KIAA2012: variants seen among roughly 807,000 people sequenced by gnomAD.
The protein encoded by KIAA2012 is KIAA2012.
In KIAA2012, 125 loss-of-function variants were observed where a neutral mutation model predicts 150.6. The ratio of observed to expected loss-of-function variants is 0.83; its 90% CI spans 0.72 to 0.96. The LOEUF is 0.96. Ranked by LOEUF, KIAA2012 falls within the 40% of genes least tolerant of loss-of-function variation. The probability of loss-of-function intolerance (pLI) is 0.00; values close to 1 mark genes in which losing one functional copy is unlikely to be tolerated. For missense variants in KIAA2012, 1,219 were observed against 1,354.9 expected (o/e 0.90, Z 1.57); for synonymous variants, 462 against 504.7 (o/e 0.92, Z 1.13).
chr2:202,154,067 C>T (rs1416578444), intron 13 of KIAA2012, among the ~76,000 whole-genome samples: 2 of 152,208 alleles, frequency 1.3e-5, no homozygotes, highest in South Asian at 2.1e-4. Flanking sequence ...CCCAGAAGCT[C>T]GGAGAGCCCC....
At chr2:202,145,678 C>CTTTTTTT (rs36059685) in intron 13 of KIAA2012, among the ~76,000 whole-genome samples, 37 of 75,320 alleles carry the variant, frequency 4.9e-4, no homozygotes, top group East Asian at 9.7e-4. Flanking sequence ...TTGAGAGGGT[C>CTTTTTTT]TTTTTTTTTT....
chr2:202,079,810 T>C (rs1262024263), intron 2 of KIAA2012, among the ~76,000 whole-genome samples: 1 of 152,212 alleles, frequency 6.6e-6, no homozygotes, highest in Non-Finnish European at 1.5e-5. Flanking sequence ...CAGCTTCCCA[T>C]TATTGAGACA....
At chr2:202,135,467 G>T (rs1011721708) in intron 12 of KIAA2012, among the ~76,000 whole-genome samples, 2 of 152,106 alleles carry the variant, frequency 1.3e-5, no homozygotes, top group Non-Finnish European at 2.9e-5. Context: ...CTGAAAGGAG[G>T]TTTTACCACC....
At chr2:202,158,796 T>G (rs1001487047) in intron 14 of KIAA2012, among the ~76,000 whole-genome samples, 1 of 152,222 alleles carries the variant, frequency 6.6e-6, no homozygotes, top group Non-Finnish European at 1.5e-5. Context: ...TTTCAGGGAC[T>G]TTTTAAATTA....
At chr2:202,200,707 C>CTTTTTT (rs3068268) in intron 22 of KIAA2012, among the ~76,000 whole-genome samples, 2,087 of 124,226 alleles carry the variant, frequency 0.017, 116 homozygotes, top group Non-Finnish European at 0.021. Flanking sequence ...AATTTTGGAA[C>CTTTTTT]TTTTTTTTTT....
chr2:202,180,129 G>A lies in KIAA2012; in HGVS notation c.2120-4624G>A, dbSNP rs542636900. 2.0e-3 allele frequency among the ~76,000 whole-genome samples: 298 copies of A among 152,084 alleles called. 1 individual carries two copies. The highest frequency in any genetic ancestry group is 7.0e-3 in the African/African-American group (290 of 41,460). On this transcript the variant is annotated intron_variant, in intron 15 of 23. Transcript: ENST00000498697. Reference sequence around the variant, plus strand: ...TCTATTAAAAATACAAAATTAGCCGGGCATGGTGGTGCATGCCTATAATCC... The same window carrying A: ...TCTATTAAAAATACAAAATTAGCCGAGCATGGTGGTGCATGCCTATAATCC...
At chr2:202,074,702 G>A (rs890284516) in intron 1 of KIAA2012, among the ~76,000 whole-genome samples, 189 bp from the exon 2 acceptor site, 1 of 152,168 alleles carries the variant, frequency 6.6e-6, no homozygotes, top group African/African-American at 2.4e-5. Context: ...CATGCCCTGG[G>A]TTCTACTAAT....
intron 15 of KIAA2012, 146 bp from the exon 16 acceptor site, chr2:202,184,607 A>G: frequency 4.2e-6 from 2 of 476,110 alleles, no homozygotes; most frequent in South Asian, 9.5e-5. Context: ...TTTCTGAAGT[A>G]TTTGCTAATT....
intron 12 of KIAA2012, among the ~76,000 whole-genome samples, chr2:202,134,404 T>C (rs1323678992): frequency 1.3e-5 from 2 of 152,174 alleles, no homozygotes; most frequent in Admixed American, 1.3e-4. Flanking sequence ...CTGACATGTA[T>C]CTAGGAAGGA....
At chr2:202,102,690 T>C (rs1690077901) in intron 7 of KIAA2012, among the ~76,000 whole-genome samples, 3 of 152,184 alleles carry the variant, frequency 2.0e-5, no homozygotes, top group Admixed American at 2.0e-4. Context: ...AGACTTTATA[T>C]CCTCTCAAAG....
chr2:202,123,844 T>C (rs1690712476), intron 11 of KIAA2012, among the ~76,000 whole-genome samples: 1 of 152,052 alleles, frequency 6.6e-6, no homozygotes, highest in South Asian at 2.1e-4. Flanking sequence ...CTTCTCTCTC[T>C]CTCCGCTTCT....
intron 14 of KIAA2012, among the ~76,000 whole-genome samples, chr2:202,155,303 A>C (rs1574295717): frequency 6.6e-6 from 1 of 152,110 alleles, no homozygotes; most frequent in South Asian, 2.1e-4. Context: ...CTTCATTTCA[A>C]GTTAAGGGTT....
chr2:202,196,188 T>TTTCC (rs1471065314), intron 21 of KIAA2012, among the ~76,000 whole-genome samples: 2 of 89,856 alleles, frequency 2.2e-5, no homozygotes, highest in Admixed American at 2.3e-4. Context: ...TTTCTTTTCT[T>TTTCC]TTTTTTTTTT....
At position 202,113,418 on chromosome 2, in the gene KIAA2012, C is replaced by T. The variant is rs1220583635; in HGVS notation, c.1734C>T (p.Thr578=). The change falls in exon 11 of 24, where the codon ACC becomes ACT. Residue 578 remains threonine, a synonymous_variant. Coordinates refer to ENST00000498697, the MANE Select transcript of KIAA2012 (RefSeq NM_001277372.4). ...TCTGCCTGTCCCTCCCAGGGCATAC[C>T]CAAACCGAGGCGCTTCCATCGGGTA... The part of the protein sequence containing the change: ...EKVCLSLPGH[T]QTEALPSGKA... 3.9e-6 allele frequency: 6 copies of T among 1,550,414 alleles called. No individual in the cohort carries two copies. The East Asian group carries it at 1.2e-4, about 32-fold the overall frequency.
chr2:202,184,634 C>T (rs546363017), intron 15 of KIAA2012, 119 bp from the exon 16 acceptor site: 13 of 595,520 alleles, frequency 2.2e-5, no homozygotes, highest in East Asian at 6.6e-5. Context: ...GTATAGCATA[C>T]GTCATTGTTC....
chr2:202,081,086 A>G (rs1689441888), intron 2 of KIAA2012, among the ~76,000 whole-genome samples: 1 of 152,258 alleles, frequency 6.6e-6, no homozygotes, highest in Admixed American at 6.5e-5. Context: ...AAGTGAAAGC[A>G]TACAGTTGTA....
chr2:202,144,866 A>G (rs1691265976), intron 13 of KIAA2012, among the ~76,000 whole-genome samples: 1 of 152,202 alleles, frequency 6.6e-6, no homozygotes, highest in Admixed American at 6.5e-5. Flanking sequence ...GAAAAACCCT[A>G]TCTCCTCTAA....
At chr2:202,181,968 G>A (rs1692129236) in intron 15 of KIAA2012, among the ~76,000 whole-genome samples, 1 of 151,996 alleles carries the variant, frequency 6.6e-6, no homozygotes, top group Non-Finnish European at 1.5e-5. Context: ...ACTCCCAAAA[G>A]TTTCCTCATA....
Position 202,196,484 on chromosome 2 carries a change from C to T in KIAA2012, c.3188-316C>T, listed in dbSNP as rs568844470. On this transcript the variant is annotated intron_variant, in intron 21 of 23. Transcript: ENST00000498697. Reference sequence around the variant, plus strand: ...TGCTGGGATTACAGGCGTGAGCCACCACGCCCGGCCAGGAAGCACCAAGTT... The same window carrying T: ...TGCTGGGATTACAGGCGTGAGCCACTACGCCCGGCCAGGAAGCACCAAGTT... 2.0e-3 allele frequency among the ~76,000 whole-genome samples: 302 copies of T among 152,132 alleles called. 2 individuals carry two copies. The highest frequency in any genetic ancestry group is 7.0e-3 in the African/African-American group (291 of 41,502).
Sources: gnomAD v4.1 joint callset for allele counts (sites outside exome capture counted in the v4.1 genomes callset) on GRCh38, gnomAD v4.1.1 for gene constraint, MANE v1.5 for transcripts, NCBI Gene and HGNC (gene_info 2026-07-23, HGNC 2026-07-21) for gene names.